The following SRRM4 variants were observed in gnomAD, a reference collection of about 807,000 sequenced individuals.
The protein encoded by SRRM4 is serine/arginine repetitive matrix 4.
SRRM4 carries 33 observed loss-of-function variants against 68.9 expected under a neutral mutation model. That is an observed-to-expected ratio of 0.48 (90% CI 0.36 to 0.64). The LOEUF (loss-of-function observed/expected upper bound fraction) is 0.64, where lower values mean the gene tolerates loss of function less well. SRRM4 is among the 30% of genes least tolerant of loss of function. The pLI, the probability that SRRM4 is intolerant of heterozygous loss-of-function variation, is 0.00. For missense variants in SRRM4, 817 were observed against 827.1 expected (o/e 0.99, Z 0.15); for synonymous variants, 318 against 318.8 (o/e 1.00, Z 0.03).
chr12:119,003,836 A>T (rs960680504), intron 1 of SRRM4, among the ~76,000 whole-genome samples: 1 of 152,048 alleles, frequency 6.6e-6, no homozygotes, highest in African/African-American at 2.4e-5. Context: ...GCAAACCATC[A>T]TAGAGAAAAC....
chr12:119,153,749 T>C, intron 11 of SRRM4, 100 bp downstream of exon 11: 1 of 847,784 alleles, frequency 1.2e-6, no homozygotes, highest in South Asian at 1.5e-5. Context: ...GCCTTCTTCC[T>C]CTTAGGTCTG....
chr12:119,089,588 C>T (rs1046356316), intron 1 of SRRM4, among the ~76,000 whole-genome samples: 2 of 152,120 alleles, frequency 1.3e-5, no homozygotes, highest in Admixed American at 6.5e-5. Flanking sequence ...ATGGAGCCTA[C>T]GGAATAAGCC....
chr12:119,067,420 G>T (rs989013979), intron 1 of SRRM4, among the ~76,000 whole-genome samples: 1 of 152,096 alleles, frequency 6.6e-6, no homozygotes, highest in African/African-American at 2.4e-5. Flanking sequence ...AAGTCAATAA[G>T]CCTTGGCAGG....
At chr12:119,088,479 T>C (rs993436188) in intron 1 of SRRM4, among the ~76,000 whole-genome samples, 1 of 152,162 alleles carries the variant, frequency 6.6e-6, no homozygotes, top group African/African-American at 2.4e-5. Context: ...TAATAAAACA[T>C]TGTGCTTAGT....
Position 118,981,872 on chromosome 12 carries a change from T to C in SRRM4, c.-11T>C, listed in dbSNP as rs763142902. On this transcript the variant is annotated 5_prime_UTR_variant, in exon 1 of 13. Coordinates refer to ENST00000267260, the MANE Select transcript of SRRM4 (RefSeq NM_194286.4). The stretch of plus-strand genomic sequence containing the variant: ...CAGCGCCCCGGACGCCCCGGCCCCT[T>C]TGGGTTGGCGATGGCGAGCGTTCAG... The C allele has an allele frequency of 1.8e-5, 29 of 1,612,618 alleles. No individual in the cohort carries two copies. In the Admixed American group the frequency reaches 4.7e-4, roughly 26 times the overall value.
intron 1 of SRRM4, among the ~76,000 whole-genome samples, chr12:119,036,060 G>C (rs2136008673): frequency 6.6e-6 from 1 of 152,268 alleles, no homozygotes; most frequent in East Asian, 1.9e-4. Context: ...TGCTTGGAGA[G>C]ATAAGAGATA....
At chr12:119,081,738 C>G (rs1046574510) in intron 1 of SRRM4, among the ~76,000 whole-genome samples, 7 of 152,182 alleles carry the variant, frequency 4.6e-5, no homozygotes, top group African/African-American at 1.4e-4. Context: ...ATGATGAGGG[C>G]CTGGACCAGG....
chr12:119,116,837 A>C (rs2136049627), intron 3 of SRRM4, 100 bp from the exon 4 acceptor site: 53 of 873,614 alleles, frequency 6.1e-5, no homozygotes, highest in Non-Finnish European at 7.4e-5. Flanking sequence ...TGTTCCTGCA[A>C]GAGCTAAAAC....
intron 1 of SRRM4, among the ~76,000 whole-genome samples, chr12:119,072,850 C>A (rs963027371): frequency 6.6e-6 from 1 of 152,280 alleles, no homozygotes; most frequent in South Asian, 2.1e-4. Flanking sequence ...TGATTCCTAC[C>A]CCCATTGTAC....
intron 1 of SRRM4, among the ~76,000 whole-genome samples, chr12:119,071,339 T>C (rs1953876747): frequency 6.6e-6 from 1 of 152,194 alleles, no homozygotes; most frequent in African/African-American, 2.4e-5. Context: ...AATCTTAGCT[T>C]TGGCCTTTCC....
At chr12:118,984,333 C>T (rs750823187) in intron 1 of SRRM4, among the ~76,000 whole-genome samples, 1 of 152,180 alleles carries the variant, frequency 6.6e-6, no homozygotes, top group Non-Finnish European at 1.5e-5. Flanking sequence ...AAGACAGAGG[C>T]ATTGGCACAA....
intron 1 of SRRM4, among the ~76,000 whole-genome samples, chr12:119,084,125 A>G (rs1203149400): frequency 6.6e-6 from 1 of 152,210 alleles, no homozygotes; most frequent in African/African-American, 2.4e-5. Context: ...TTTGCCTGAG[A>G]TCACATAGCA....
At chr12:119,120,177 C>T in intron 4 of SRRM4, 73 bp from the exon 5 acceptor site, 1 of 1,055,748 alleles carries the variant, frequency 9.5e-7, no homozygotes, top group Non-Finnish European at 1.4e-6. Flanking sequence ...CCATCTCTCT[C>T]TCTCTCCCTC....
chr12:119,150,638 T>C (rs756294821), intron 9 of SRRM4, among the ~76,000 whole-genome samples: 6 of 152,140 alleles, frequency 3.9e-5, no homozygotes, highest in Non-Finnish European at 7.4e-5. Context: ...TAGCACCCAA[T>C]GGGGGCTTCC....
intron 1 of SRRM4, chr12:118,991,755 G>A (rs1953318190): frequency 6.6e-6 from 1 of 152,200 alleles, no homozygotes; most frequent in Non-Finnish European, 1.5e-5. Flanking sequence ...TGGGGATGGG[G>A]ACTATGCCTG....
rs776617030 is a variant in SRRM4, at chr12:119,130,785, C to T, written c.722C>T (p.Pro241Leu). ...KDSPEAQSSRPPSQPLQMLGY... is the reference protein window; with the variant it reads ...KDSPEAQSSRLPSQPLQMLGY... ...AGCCCTGAGGCCCAGTCCAGTCGCC[C>T]GCCCAGTCAACCCCTCCAGATGCTT... The change falls in exon 8 of 13, where the codon CCG (proline) becomes CTG (leucine). Residue 241 changes from proline (P) to leucine (L), a missense_variant. Coordinates refer to ENST00000267260, the MANE Select transcript of SRRM4 (RefSeq NM_194286.4). The T allele has an allele frequency of 2.1e-5, 33 of 1,609,078 alleles. No individual in the cohort carries two copies. Among genetic ancestry groups the T allele is most frequent in the East Asian group, 8.9e-5 (4 of 44,844 alleles).
In SRRM4 at chr12:119,130,525, A is replaced by G. The variant is rs575260120; in HGVS notation, c.615-153A>G. 2.6e-5 allele frequency among the ~76,000 whole-genome samples: 4 copies of G among 152,330 alleles called. No homozygotes were observed. In the East Asian group the frequency reaches 7.7e-4, roughly 29 times the overall value. ...CACACAGTCCAGCTTTCATACACACACATGCAGACATACCTAGGAACAATA... is the reference window on the plus strand; with the variant it reads ...CACACAGTCCAGCTTTCATACACACGCATGCAGACATACCTAGGAACAATA... On this transcript the variant is annotated intron_variant, in intron 7 of 12. Coordinates refer to ENST00000267260, the MANE Select transcript of SRRM4 (RefSeq NM_194286.4).
At chr12:119,054,293 C>T (rs557327647) in intron 1 of SRRM4, among the ~76,000 whole-genome samples, 4 of 152,280 alleles carry the variant, frequency 2.6e-5, no homozygotes, top group Non-Finnish European at 5.9e-5. Context: ...GTAACAGTAA[C>T]ACTTTTTGAG....
At chr12:119,101,690 T>G (rs558829130) in intron 1 of SRRM4, among the ~76,000 whole-genome samples, 1 of 152,188 alleles carries the variant, frequency 6.6e-6, no homozygotes, top group South Asian at 2.1e-4. Flanking sequence ...GTTAAGACCA[T>G]TTGAATCTAC....
Sources: gnomAD v4.1 joint callset for allele counts (sites outside exome capture counted in the v4.1 genomes callset) on GRCh38, gnomAD v4.1.1 for gene constraint, MANE v1.5 for transcripts, NCBI Gene and HGNC (gene_info 2026-07-23, HGNC 2026-07-21) for gene names.